The following CHD1L variants were observed in gnomAD, a reference collection of about 807,000 sequenced individuals.
CHD1L encodes ATP-dependent chromatin remodeler CHD1L.
A neutral mutation model predicts 115.9 loss-of-function variants in CHD1L; 118 were observed. That is an observed-to-expected ratio of 1.02 (90% CI 0.88 to 1.19). CHD1L has a LOEUF of 1.19. Among genes scored for constraint, CHD1L ranks in the 50% most tolerant of loss-of-function variants. CHD1L has a pLI of 0.00. For missense variants in CHD1L, 1,179 were observed against 1,065.3 expected (o/e 1.11, Z -1.49); for synonymous variants, 411 against 387.1 (o/e 1.06, Z -0.72).
At chr1:147,244,196 A>G (rs1306660953) in intron 1 of CHD1L, among the ~76,000 whole-genome samples, 3 of 152,234 alleles carry the variant, frequency 2.0e-5, no homozygotes, top group African/African-American at 7.2e-5. Flanking sequence ...GTTGATACTT[A>G]GCTGTGGATA....
At position 147,287,683 on chromosome 1, in the gene CHD1L, A is replaced by AG. The variant is rs369440700; in HGVS notation, c.2271dup (p.Arg758AlafsTer4). 2 of 1,614,116 alleles carry AG rather than the reference A, an allele frequency of 1.2e-6. No individual in the cohort carries two copies. Among genetic ancestry groups the AG allele is most frequent in the African/African-American group, 2.7e-5 (2 of 75,050 alleles). On this transcript the variant is annotated frameshift_variant, in exon 19 of 23. Coordinates refer to ENST00000369258, the MANE Select transcript of CHD1L (RefSeq NM_004284.6). LOFTEE classifies it high-confidence loss of function. ...GGTGGTTTATTTACAGCTCTGGAAAAGCGATCCGCTGAGCCAAGAAAAATA... is the reference window on the plus strand; with the variant it reads ...GGTGGTTTATTTACAGCTCTGGAAAAGGCGATCCGCTGAGCCAAGAAAAATA...
chr1:147,271,726 G>A (rs1173598072), intron 11 of CHD1L, among the ~76,000 whole-genome samples: 4 of 152,158 alleles, frequency 2.6e-5, no homozygotes, highest in Admixed American at 6.5e-5. Context: ...TTCCCCACAC[G>A]GATGCATGGA....
intron 15 of CHD1L, among the ~76,000 whole-genome samples, chr1:147,282,229 G>C (rs11239964): frequency 0.081 from 12,352 of 152,110 alleles, 626 homozygotes; most frequent in East Asian, 0.16. Flanking sequence ...ATCCATATTT[G>C]ATGTCTTTTC....
At chr1:147,264,287 G>T in intron 6 of CHD1L, 135 bp from the exon 7 acceptor site, 1 of 752,406 alleles carries the variant, frequency 1.3e-6, no homozygotes. Context: ...TTCAACCTGA[G>T]CCATCTGATT....
intron 2 of CHD1L, among the ~76,000 whole-genome samples, chr1:147,254,666 A>C (rs1669489209): frequency 6.6e-6 from 1 of 152,204 alleles, no homozygotes; most frequent in Non-Finnish European, 1.5e-5. Flanking sequence ...TGAGTTCCAT[A>C]AATTTCCGTG....
At chr1:147,213,111 A>G in the CHD1L span, among the ~76,000 whole-genome samples, 2 of 152,138 alleles carry the variant, frequency 1.3e-5, no homozygotes, top group Admixed American at 1.3e-4. Context: ...ATAGACTGCA[A>G]ATTTTGCTCT....
chr1:147,273,212 C>T (rs948312279), intron 12 of CHD1L, among the ~76,000 whole-genome samples: 1 of 152,100 alleles, frequency 6.6e-6, no homozygotes, highest in Non-Finnish European at 1.5e-5. Flanking sequence ...GCAAGCTGAC[C>T]TTAGTTTTCA....
At chr1:147,253,761 G>C (rs1331347979) in intron 2 of CHD1L, among the ~76,000 whole-genome samples, 1 of 152,216 alleles carries the variant, frequency 6.6e-6, no homozygotes, top group Non-Finnish European at 1.5e-5. Flanking sequence ...GCCTCCCAAA[G>C]TGCTGGGATT....
At chr1:147,274,304 C>T (rs1408788525) in intron 12 of CHD1L, among the ~76,000 whole-genome samples, 1 of 152,126 alleles carries the variant, frequency 6.6e-6, no homozygotes, top group East Asian at 1.9e-4. Flanking sequence ...GTAGTAAGCA[C>T]AGCGTAAGTG....
chr1:147,204,156 T>C, the CHD1L span: 1 of 1,120,132 alleles, frequency 8.9e-7, no homozygotes, highest in East Asian at 2.3e-5. Context: ...TCATCAGTCT[T>C]TATCAACACT....
At chr1:147,179,429 ATG>A in the CHD1L span, 1 of 1,594,756 alleles carries the variant, frequency 6.3e-7, no homozygotes, top group Admixed American at 1.7e-5. Context: ...GCCACAGCCA[ATG>A]ATGTGCCTTC....
At chr1:147,213,231 G>A in the CHD1L span, 1 of 1,221,596 alleles carries the variant, frequency 8.2e-7, no homozygotes, top group Non-Finnish European at 1.1e-6. Context: ...GAATTACTCA[G>A]ACCACAATCC....
Position 147,276,005 on chromosome 1 carries a change from T to C in CHD1L, c.1386-99T>C, listed in dbSNP as rs587683039. On this transcript the variant is annotated intron_variant, in intron 13 of 22. Transcript: ENST00000369258. The stretch of plus-strand genomic sequence containing the variant: ...CCCTTTCATTGTACCCTGAATATGG[T>C]ATTTGGTTTTGTTTGCTTTTAGATG... The C allele has an allele frequency of 2.0e-5, 23 of 1,137,874 alleles. No homozygotes were observed. In the Admixed American group the frequency reaches 3.5e-4, roughly 17 times the overall value. 70.5% of individuals were successfully genotyped at this position (1,137,874 alleles called of 1,614,324 possible).
At chr1:147,206,339 C>T in the CHD1L span, among the ~76,000 whole-genome samples, 1 of 152,152 alleles carries the variant, frequency 6.6e-6, no homozygotes, top group Non-Finnish European at 1.5e-5. Context: ...CTAGTTCAAC[C>T]ATTGTGGAAG....
chr1:147,256,350 G>A (rs1410125039), intron 4 of CHD1L, among the ~76,000 whole-genome samples, 181 bp from the exon 5 acceptor site: 3 of 141,342 alleles, frequency 2.1e-5, no homozygotes, highest in Admixed American at 7.1e-5. Context: ...ACTTAATCAG[G>A]CTTTTCTCTT....
chr1:147,286,558 T>G (rs587596390), intron 18 of CHD1L, 58 bp downstream of exon 18: 3 of 1,496,904 alleles, frequency 2.0e-6, no homozygotes, highest in South Asian at 2.3e-5. Context: ...TGCCAAGAAC[T>G]GGGGAGGATG....
chr1:147,199,634 C>T, the CHD1L span, among the ~76,000 whole-genome samples: 6 of 152,164 alleles, frequency 3.9e-5, no homozygotes, highest in African/African-American at 1.4e-4. Flanking sequence ...TTTTAATGAA[C>T]TGTTCTCCGC....
the CHD1L span, among the ~76,000 whole-genome samples, chr1:147,176,749 G>A: frequency 3.9e-5 from 6 of 152,224 alleles, no homozygotes; most frequent in African/African-American, 1.4e-4. Flanking sequence ...CACCATGTGA[G>A]TATTAATTTG....
upstream of CHD1L, among the ~76,000 whole-genome samples, chr1:147,239,506 A>G (rs1571499444): frequency 6.6e-6 from 1 of 152,116 alleles, no homozygotes; most frequent in East Asian, 1.9e-4. Context: ...GTAGCAGACC[A>G]CTACTCACCA....
Sources: allele counts gnomAD v4.1 joint callset (sites outside exome capture counted in the v4.1 genomes callset), GRCh38; gene constraint gnomAD v4.1.1; transcripts MANE v1.5; gene names NCBI Gene and HGNC (gene_info 2026-07-23, HGNC 2026-07-21).